DCT: variants seen among roughly 807,000 people sequenced by gnomAD.
The protein encoded by DCT is L-dopachrome tautomerase.
In DCT, 47 loss-of-function variants were observed where a neutral mutation model predicts 53.0. That is an observed-to-expected ratio of 0.89 (90% confidence interval 0.70 to 1.13). The LOEUF is 1.13. DCT is among the 50% of genes most tolerant of loss of function. The probability of loss-of-function intolerance (pLI) is 0.00; values close to 1 mark genes in which losing one functional copy is unlikely to be tolerated. For synonymous variants in DCT, 244 were observed against 237.0 expected, an observed-to-expected ratio of 1.03 and a Z score of -0.27; for missense variants, 669 against 637.4, an observed-to-expected ratio of 1.05 and a Z score of -0.53.
chr13:94,489,781 CACAT>C, the DCT span, among the ~76,000 whole-genome samples: 1 of 135,660 alleles, frequency 7.4e-6, no homozygotes, highest in African/African-American at 2.7e-5. Flanking sequence ...CACACACACA[CACAT>C]ATACACATGT....
chr13:94,526,324 A>T, the DCT span, among the ~76,000 whole-genome samples: 1 of 152,252 alleles, frequency 6.6e-6, no homozygotes, highest in African/African-American at 2.4e-5. Flanking sequence ...AGACATTAAA[A>T]ATCCAGCACA....
At chr13:94,516,851 T>C in the DCT span, among the ~76,000 whole-genome samples, 1 of 152,048 alleles carries the variant, frequency 6.6e-6, no homozygotes, top group African/African-American at 2.4e-5. Context: ...AAAAAATAAA[T>C]TCCTTTTCTT....
chr13:94,476,668 G>A (rs1403191833), intron 1 of DCT, among the ~76,000 whole-genome samples: 1 of 151,950 alleles, frequency 6.6e-6, no homozygotes, highest in South Asian at 2.1e-4. Context: ...TAGAGACAGG[G>A]TTTCACCATG....
the DCT span, among the ~76,000 whole-genome samples, chr13:94,514,885 T>C: frequency 4.6e-4 from 70 of 152,292 alleles, 1 homozygote; most frequent in African/African-American, 1.6e-3. Flanking sequence ...CTAGGTTTGT[T>C]CGGACTGAAT....
At chr13:94,466,887 TC>T (rs1409395064) in intron 2 of DCT, 6 of 277,052 alleles carry the variant, frequency 2.2e-5, no homozygotes, top group African/African-American at 1.3e-4. Flanking sequence ...AAGGTTGATT[TC>T]TAGCAGAGAT....
At position 94,439,625 on chromosome 13, in the gene DCT, T is replaced by TGG. The variant is rs3215804; in HGVS notation, c.*271_*272dup. 2.6e-3 allele frequency: 545 copies of TGG among 209,844 alleles called. No individual in the cohort carries two copies. The highest frequency in any genetic ancestry group is 6.3e-3 in the African/African-American group (260 of 41,162). The allele number at this position is 209,844 out of a possible 1,614,324, so 13.0% of individuals were successfully genotyped here. The stretch of plus-strand genomic sequence containing the variant: ...GAAAAGGAGGAGGCTTAATCAATAT[T>TGG]GGGGGGGGGGTTATTATTAGATATC... On this transcript the variant is annotated 3_prime_UTR_variant, in exon 8 of 8. Transcript: ENST00000377028.
rs1389909920 is a variant in DCT, at chr13:94,443,421, A to T, written c.1381+15T>A. ...AAGATGAATGAATCACCCATTTGGA[A>T]GTTGTGTTAGTTACCTGGCAGATCG... On this transcript the variant is annotated intron_variant, in intron 7 of 7. Coordinates refer to ENST00000377028, the MANE Select transcript of DCT (RefSeq NM_001922.5). The T allele has an allele frequency of 2.5e-6, 4 of 1,590,842 alleles. No individual in the cohort carries two copies. Among genetic ancestry groups the T allele is most frequent in the South Asian group, 1.1e-5 (1 of 90,596 alleles).
chr13:94,526,372 TC>T, the DCT span, among the ~76,000 whole-genome samples: 7 of 152,162 alleles, frequency 4.6e-5, no homozygotes, highest in African/African-American at 1.7e-4. Context: ...ACACGGATAT[TC>T]CGAGATATTA....
At chr13:94,459,304 A>G (rs1883622518) in intron 6 of DCT, among the ~76,000 whole-genome samples, 1 of 152,242 alleles carries the variant, frequency 6.6e-6, no homozygotes, top group South Asian at 2.1e-4. Context: ...TACTGTCTGT[A>G]TTATTACATG....
intron 6 of DCT, among the ~76,000 whole-genome samples, chr13:94,457,381 A>G (rs1643770773): frequency 6.6e-6 from 1 of 152,192 alleles, no homozygotes; most frequent in African/African-American, 2.4e-5. Flanking sequence ...CTCTCCCTCC[A>G]CTATATGAGG....
intron 1 of DCT, among the ~76,000 whole-genome samples, chr13:94,478,707 A>G (rs946983815): frequency 2.6e-5 from 4 of 152,250 alleles, no homozygotes; most frequent in African/African-American, 9.6e-5. Context: ...AGCCAATAGT[A>G]TGTTGGCATG....
chr13:94,461,860 A>G (rs911453130), intron 5 of DCT, 150 bp downstream of exon 5: 14 of 632,460 alleles, frequency 2.2e-5, no homozygotes, highest in Admixed American at 2.1e-4. Context: ...CCTCACACCA[A>G]TCCCTTGCTA....
chr13:94,473,125 C>T (rs1044026171), intron 1 of DCT, among the ~76,000 whole-genome samples: 9 of 152,070 alleles, frequency 5.9e-5, no homozygotes, highest in African/African-American at 2.2e-4. Flanking sequence ...CTAGTGAATA[C>T]AAATACAGAT....
chr13:94,440,194 T>A, intron 7 of DCT, 118 bp from the exon 8 acceptor site: 1 of 700,172 alleles, frequency 1.4e-6, no homozygotes, highest in Non-Finnish European at 2.4e-6. Context: ...GCAAAACTAC[T>A]CATGCTAGAC....
chr13:94,457,302 A>G (rs1352665026), intron 6 of DCT, among the ~76,000 whole-genome samples: 2 of 152,218 alleles, frequency 1.3e-5, no homozygotes, highest in Non-Finnish European at 2.9e-5. Context: ...TTAAGGTTTA[A>G]TGAGGTCAGA....
chr13:94,540,524 G>C, the DCT span, among the ~76,000 whole-genome samples: 2 of 152,158 alleles, frequency 1.3e-5, no homozygotes, highest in African/African-American at 4.8e-5. Context: ...CTCAAAAGAA[G>C]ACAAACGCAT....
rs888220417 is a variant in DCT at position 94,446,970 on chromosome 13, C to T, written c.1180-3333G>A. On this transcript the variant is annotated intron_variant, in intron 6 of 7. Transcript: ENST00000377028. ...GCTATCCTATTTCCAAACAAGGTGACATTCTGAGTTATTAGCTATTAGGAC... is the reference window on the plus strand; with the variant it reads ...GCTATCCTATTTCCAAACAAGGTGATATTCTGAGTTATTAGCTATTAGGAC... Among the ~76,000 whole-genome samples, 3 of 152,190 alleles carry T rather than the reference C, an allele frequency of 2.0e-5. 1 individual carries two copies. Among genetic ancestry groups the T allele is most frequent in the Middle Eastern group, 3.4e-3 (1 of 294 alleles).
At chr13:94,547,960 C>A in the DCT span, among the ~76,000 whole-genome samples, 2 of 60,464 alleles carry the variant, frequency 3.3e-5, no homozygotes, top group African/African-American at 2.2e-4. Flanking sequence ...GAAACTCCGT[C>A]TCAAAAAAAA....
At chr13:94,533,675 C>T in the DCT span, among the ~76,000 whole-genome samples, 2 of 152,156 alleles carry the variant, frequency 1.3e-5, no homozygotes, top group African/African-American at 4.8e-5. Context: ...GTCCCAGCTA[C>T]TTGGGAGGCT....
Sources: allele counts gnomAD v4.1 joint callset (sites outside exome capture counted in the v4.1 genomes callset), GRCh38; gene constraint gnomAD v4.1.1; transcripts MANE v1.5; gene names NCBI Gene and HGNC (gene_info 2026-07-23, HGNC 2026-07-21).